The following UGT1A3 variants were observed in gnomAD, a reference collection of about 807,000 sequenced individuals.
UGT1A3 encodes the protein UDP-glucuronosyltransferase 1A3.
A neutral mutation model predicts 41.0 loss-of-function variants in UGT1A3; 31 were observed. The ratio of observed to expected loss-of-function variants is 0.76; its 90% CI spans 0.57 to 1.02. The LOEUF is 1.02. UGT1A3 is among the 50% of genes least tolerant of loss of function. UGT1A3 has a pLI of 0.00. For synonymous variants in UGT1A3, 262 were observed against 257.6 expected (o/e 1.02, Z -0.17); for missense variants, 737 against 671.0 (o/e 1.10, Z -1.09).
chr2:233,760,233 CATAT>C (rs3064744), intron 1 of UGT1A3: 2 of 1,510,040 alleles, frequency 1.3e-6, no homozygotes, highest in African/African-American at 1.4e-5. Context: ...TGGTTTTTGC[CATAT>C]ATATATATAT....
At chr2:233,731,284 C>CTTTTTTTTT (rs78127606) in intron 1 of UGT1A3, among the ~76,000 whole-genome samples, 1 of 139,768 alleles carries the variant, frequency 7.2e-6, no homozygotes. Flanking sequence ...GTTTTTCTTT[C>CTTTTTTTTT]TTTTTTTTTT....
intron 2 of UGT1A3, 66 bp from the exon 3 acceptor site, chr2:233,767,783 T>C: frequency 6.2e-7 from 1 of 1,613,658 alleles, no homozygotes. Context: ...CTAGTTAGTA[T>C]AGCAGATTTG....
rs552638090 is a variant in UGT1A3, at chr2:233,729,369, C to T, written c.243C>T (p.Ala81=). The change falls in exon 1 of 5, where the codon GCC becomes GCT. Residue 81 remains alanine, a synonymous_variant. Coordinates refer to ENST00000482026, the MANE Select transcript of UGT1A3 (RefSeq NM_019093.4). ...EENFFTLTTY[A]ISWTQDEFDR... The stretch of plus-strand genomic sequence containing the variant: ...ACTTTTTCACCCTGACAACCTATGC[C>T]ATTTCGTGGACCCAGGATGAATTTG... 1.4e-5 allele frequency: 23 copies of T among 1,613,926 alleles called. No individual in the cohort carries two copies. The highest frequency in any genetic ancestry group is 1.8e-5 in the Non-Finnish European group (21 of 1,179,932).
At chr2:233,750,904 G>C (rs1235200101) in intron 1 of UGT1A3, among the ~76,000 whole-genome samples, 1 of 151,906 alleles carries the variant, frequency 6.6e-6, no homozygotes, top group Non-Finnish European at 1.5e-5. Context: ...ACCTCTGCTA[G>C]AGAAGGGTGG....
At chr2:233,749,910 C>A (rs1694301201) in intron 1 of UGT1A3, among the ~76,000 whole-genome samples, 1 of 151,934 alleles carries the variant, frequency 6.6e-6, no homozygotes, top group South Asian at 2.1e-4. Context: ...CCACCTGGAA[C>A]TGTGAGTCAA....
intron 1 of UGT1A3, chr2:233,743,892 C>A (rs1369437404): frequency 1.5e-6 from 2 of 1,366,886 alleles, no homozygotes; most frequent in Non-Finnish European, 2.0e-6. Flanking sequence ...CGGGGCACGT[C>A]CAGCACCTCG....
At chr2:233,749,562 T>C (rs541768746) in intron 1 of UGT1A3, among the ~76,000 whole-genome samples, 1 of 151,994 alleles carries the variant, frequency 6.6e-6, no homozygotes, top group Non-Finnish European at 1.5e-5. Context: ...ATGTATTCAA[T>C]AGTGAGGCCA....
intron 1 of UGT1A3, chr2:233,741,807 T>C (rs561601493): frequency 6.6e-6 from 1 of 152,052 alleles, no homozygotes; most frequent in South Asian, 2.1e-4. Context: ...ATGCTGCTCT[T>C]AATTTTTTTC....
chr2:233,749,861 C>T (rs1160641293), intron 1 of UGT1A3, among the ~76,000 whole-genome samples: 2 of 151,980 alleles, frequency 1.3e-5, no homozygotes, highest in Non-Finnish European at 2.9e-5. Context: ...CTCTCACTTT[C>T]TGCCAGGATT....
Position 233,768,558 on chromosome 2 carries a change from T to C in UGT1A3, c.1307+119T>C. On this transcript the variant is annotated intron_variant, in intron 4 of 4. Transcript: ENST00000482026. ...TGTTTCAAATATAAAAACAAATACA[T>C]AAAAATCTGGATTTTTATTTCTTCT... 3.4e-6 allele frequency: 4 copies of C among 1,184,218 alleles called. No individual in the cohort carries two copies. In the South Asian group the frequency reaches 4.4e-5, roughly 13 times the overall value. The allele number at this position is 1,184,218 out of a possible 1,614,324, so 73.4% of individuals were successfully genotyped here.
intron 1 of UGT1A3, among the ~76,000 whole-genome samples, chr2:233,757,869 G>C (rs1204071676): frequency 2.6e-5 from 4 of 151,938 alleles, no homozygotes; most frequent in African/African-American, 7.3e-5. Context: ...AAAGAAAGTA[G>C]CTTCAAAAGG....
intron 4 of UGT1A3, among the ~76,000 whole-genome samples, chr2:233,768,933 G>C (rs1699758323): frequency 6.6e-6 from 1 of 151,962 alleles, no homozygotes; most frequent in South Asian, 2.1e-4. Flanking sequence ...TTTATAAAAG[G>C]ATTCTTTAGT....
intron 1 of UGT1A3, among the ~76,000 whole-genome samples, chr2:233,757,621 A>T (rs1696682030): frequency 6.7e-6 from 1 of 149,382 alleles, no homozygotes; most frequent in Non-Finnish European, 1.5e-5. Flanking sequence ...GCTAAAAGAT[A>T]CAAGGCAGAA....
intron 1 of UGT1A3, chr2:233,747,383 G>C: frequency 6.2e-7 from 1 of 1,605,558 alleles, no homozygotes; most frequent in Non-Finnish European, 8.5e-7. Context: ...GAGGCCACCA[G>C]GCGGTGGTCC....
chr2:233,749,355 G>C (rs1054552103), intron 1 of UGT1A3, among the ~76,000 whole-genome samples: 3 of 151,804 alleles, frequency 2.0e-5, no homozygotes, highest in African/African-American at 4.9e-5. Flanking sequence ...AATTTAAATA[G>C]TGACTCTTGC....
rs531889004 is a variant in UGT1A3 at position 233,731,047 on chromosome 2, T to C, written c.867+1054T>C. Among the ~76,000 whole-genome samples, 5 of 152,366 alleles carry C rather than the reference T, an allele frequency of 3.3e-5. No homozygotes were observed. In the East Asian group the frequency reaches 5.8e-4, roughly 18 times the overall value. On this transcript the variant is annotated intron_variant, in intron 1 of 4. Transcript: ENST00000482026. ...GCCTTTTTATGTCATATTCACCGAA[T>C]GTGTATGAACTTCCATGATTTAGAT...
At chr2:233,759,615 C>CACCT (rs1177524804) in intron 1 of UGT1A3, among the ~76,000 whole-genome samples, 1 of 149,432 alleles carries the variant, frequency 6.7e-6, no homozygotes, top group Non-Finnish European at 1.5e-5. Context: ...CCCACCCACC[C>CACCT]ACCTGTTCAT....
rs4148323 is a variant in UGT1A3, at chr2:233,760,498, G to A, written c.868-6536G>A. The A allele has an allele frequency of 9.2e-3, 14,886 of 1,614,236 alleles. 811 individuals carry two copies. The East Asian group carries it at 0.16, about 18-fold the overall frequency. On this transcript the variant is annotated intron_variant, in intron 1 of 4. Coordinates refer to ENST00000482026, the MANE Select transcript of UGT1A3 (RefSeq NM_019093.4). Reference sequence around the variant, plus strand: ...TGACGCCTCGTTGTACATCAGAGACGGAGCATTTTACACCTTGAAGACGTA... The same window carrying A: ...TGACGCCTCGTTGTACATCAGAGACAGAGCATTTTACACCTTGAAGACGTA...
rs1485888079 is a variant in UGT1A3 at position 233,751,702 on chromosome 2, C to A, written c.868-15332C>A. On this transcript the variant is annotated intron_variant, in intron 1 of 4. Coordinates refer to ENST00000482026, the MANE Select transcript of UGT1A3 (RefSeq NM_019093.4). ...GCTGATGGTTTTATAAGGGGCTCTT[C>A]CTCCTTCACTCACAAGTGAACTCTT... is the stretch of plus-strand genomic sequence containing the variant. Among the ~76,000 whole-genome samples, 4 of 152,152 alleles carry A rather than the reference C, an allele frequency of 2.6e-5. No individual in the cohort carries two copies. In the South Asian group the frequency reaches 8.3e-4, roughly 32 times the overall value.
Sources: allele counts gnomAD v4.1 joint callset (sites outside exome capture counted in the v4.1 genomes callset), GRCh38; gene constraint gnomAD v4.1.1; transcripts MANE v1.5; gene names NCBI Gene and HGNC (gene_info 2026-07-23, HGNC 2026-07-21).